The following DENND1A variants were observed in gnomAD, a reference collection of about 807,000 sequenced individuals.
The protein encoded by DENND1A is DENN domain containing 1A.
Under a neutral mutation model 113.7 loss-of-function variants are expected in DENND1A, and 51 were observed. The ratio of observed to expected loss-of-function variants is 0.45; its 90% confidence interval spans 0.36 to 0.57. The LOEUF (loss-of-function observed/expected upper bound fraction) is 0.57. DENND1A is among the 20% of genes least tolerant of loss of function. The pLI, the probability that DENND1A is intolerant of heterozygous loss-of-function variation, is 0.00. For missense variants in DENND1A, 1,258 were observed against 1,395.9 expected (o/e 0.90, Z 1.57); for synonymous variants, 565 against 570.8 (o/e 0.99, Z 0.14).
intron 4 of DENND1A, among the ~76,000 whole-genome samples, chr9:123,758,485 A>G (rs1460009375): frequency 6.6e-6 from 1 of 152,212 alleles, no homozygotes; most frequent in Admixed American, 6.5e-5. Context: ...ACAGCTACAA[A>G]GAGGAGGAGC....
chr9:123,652,352 G>A, intron 8 of DENND1A: 1 of 446,618 alleles, frequency 2.2e-6, no homozygotes, highest in Non-Finnish European at 4.1e-6. Flanking sequence ...ATCTTTGTGT[G>A]GTGATTACAA....
intron 22 of DENND1A, 80 bp downstream of exon 22, chr9:123,387,650 C>G (rs1326801053): frequency 7.9e-7 from 1 of 1,266,302 alleles, no homozygotes; most frequent in Non-Finnish European, 1.0e-6. Flanking sequence ...AGGCAAGCAG[C>G]ACCAGCCCCC....
rs564326051 is a variant in DENND1A, at chr9:123,638,770, C to T, written c.619-8294G>A. On this transcript the variant is annotated intron_variant, in intron 9 of 23. Transcript: ENST00000394215. ...GCTACCATGCCCAGCCTCACATGCA[C>T]CTTTGATCAATGGATCAAAGTGGGC... Among the ~76,000 whole-genome samples the T allele has an allele frequency of 3.3e-5, 5 of 152,060 alleles. No individual in the cohort carries two copies. The East Asian group carries it at 9.7e-4, about 29-fold the overall frequency.
At chr9:123,922,977 T>C (rs553292669) in intron 1 of DENND1A, among the ~76,000 whole-genome samples, 92 of 152,284 alleles carry the variant, frequency 6.0e-4, no homozygotes, top group African/African-American at 2.2e-3. Flanking sequence ...ACAAAACAAC[T>C]TCATTTTGTT....
chr9:123,752,019 G>A (rs1391707825), intron 5 of DENND1A: 2 of 152,182 alleles, frequency 1.3e-5, no homozygotes, highest in African/African-American at 4.8e-5. Context: ...AAAGAGTGAG[G>A]GTAGCAGAAG....
At chr9:123,890,439 T>C (rs80318124) in intron 1 of DENND1A, among the ~76,000 whole-genome samples, 211 of 152,360 alleles carry the variant, frequency 1.4e-3, no homozygotes, top group African/African-American at 4.9e-3. Flanking sequence ...CCTTGTTTCA[T>C]TGATGACTTG....
chr9:123,427,919 G>T (rs185479020), intron 19 of DENND1A, among the ~76,000 whole-genome samples: 7 of 152,316 alleles, frequency 4.6e-5, no homozygotes, highest in Admixed American at 2.6e-4. Flanking sequence ...CACCTGGAAG[G>T]ATTGCAGGCA....
chr9:123,440,096 CG>C, intron 19 of DENND1A: 1 of 339,662 alleles, frequency 2.9e-6, no homozygotes, highest in Admixed American at 4.8e-5. Context: ...CCTTGGAGTA[CG>C]GGAGGCAGCA....
At chr9:123,675,260 T>C (rs987926116) in intron 6 of DENND1A, among the ~76,000 whole-genome samples, 5 of 152,182 alleles carry the variant, frequency 3.3e-5, no homozygotes, top group Admixed American at 3.3e-4. Context: ...AAACAGCATT[T>C]CCCAAAGTGT....
intron 13 of DENND1A, among the ~76,000 whole-genome samples, chr9:123,517,282 A>ACC (rs1015669845): frequency 4.8e-5 from 7 of 145,884 alleles, no homozygotes; most frequent in African/African-American, 1.8e-4. Context: ...AACCCACAAA[A>ACC]CCCCCCCCAA....
intron 13 of DENND1A, among the ~76,000 whole-genome samples, chr9:123,495,141 TTCTCTC>T (rs56390148): frequency 3.3e-4 from 47 of 140,636 alleles, no homozygotes; most frequent in South Asian, 1.4e-3. Context: ...CATTGTCTCT[TTCTCTC>T]TCTCTCTCTC....
rs556387458 is a variant in DENND1A at position 123,625,388 on chromosome 9, A to G, written c.719+4988T>C. 3.3e-5 allele frequency among the ~76,000 whole-genome samples: 5 copies of G among 152,340 alleles called. No homozygotes were observed. In the South Asian group the frequency reaches 1.0e-3, roughly 32 times the overall value. The stretch of plus-strand genomic sequence containing the variant: ...CATTTTCCCCTCCACAGTTCCAGGA[A>G]TGTAAGCTGCCTGTTTTAAACTAGC... On this transcript the variant is annotated intron_variant, in intron 10 of 23. Coordinates refer to ENST00000394215, the MANE Select transcript of DENND1A (RefSeq NM_001352964.2).
At chr9:123,715,535 T>C (rs2066916123) in intron 5 of DENND1A, among the ~76,000 whole-genome samples, 1 of 152,206 alleles carries the variant, frequency 6.6e-6, no homozygotes, top group African/African-American at 2.4e-5. Flanking sequence ...TAAAGTTATT[T>C]AGCAAACTAC....
intron 12 of DENND1A, among the ~76,000 whole-genome samples, chr9:123,559,733 A>G (rs552255154): frequency 6.6e-6 from 1 of 152,342 alleles, no homozygotes; most frequent in South Asian, 2.1e-4. Flanking sequence ...GGTGGTTTTT[A>G]GTGTAGTCAC....
At chr9:123,769,672 GAAGA>G in intron 3 of DENND1A, 109 bp from the exon 4 acceptor site, 1 of 809,898 alleles carries the variant, frequency 1.2e-6, no homozygotes, top group Non-Finnish European at 1.9e-6. Context: ...GGAGACAGAT[GAAGA>G]AATATGGGCT....
chr9:123,924,332 G>A (rs971420111), intron 1 of DENND1A, among the ~76,000 whole-genome samples: 1 of 152,142 alleles, frequency 6.6e-6, no homozygotes, highest in Admixed American at 6.5e-5. Flanking sequence ...GGAATTAGTG[G>A]TAATCAATCA....
chr9:123,522,819 C>T (rs1214093989), intron 13 of DENND1A, among the ~76,000 whole-genome samples: 2 of 152,160 alleles, frequency 1.3e-5, no homozygotes, highest in African/African-American at 2.4e-5. Context: ...TGAGACGTCC[C>T]GGATGCTGTC....
chr9:123,501,945 T>C (rs2052521704), intron 13 of DENND1A, among the ~76,000 whole-genome samples: 1 of 152,208 alleles, frequency 6.6e-6, no homozygotes, highest in Admixed American at 6.5e-5. Context: ...CGTGGGACCT[T>C]GTGATAGTGT....
intron 13 of DENND1A, among the ~76,000 whole-genome samples, chr9:123,458,468 A>C (rs2132960828): frequency 6.6e-6 from 1 of 152,308 alleles, no homozygotes; most frequent in African/African-American, 2.4e-5. Context: ...TGTTTCAGAG[A>C]GGAAGAGTCA....
Sources: allele counts gnomAD v4.1 joint callset (sites outside exome capture counted in the v4.1 genomes callset), GRCh38; gene constraint gnomAD v4.1.1; transcripts MANE v1.5; gene names NCBI Gene and HGNC (gene_info 2026-07-23, HGNC 2026-07-21).